The following TIMM17B variants were observed in gnomAD, a reference collection of about 807,000 sequenced individuals.
TIMM17B encodes the protein mitochondrial import inner membrane translocase subunit Tim17-B.
Under a neutral mutation model 15.9 loss-of-function variants are expected in TIMM17B, and 10 were observed. The ratio of observed to expected loss-of-function variants is 0.63; its 90% confidence interval spans 0.39 to 1.06. The LOEUF is 1.06. Among genes scored for constraint, TIMM17B ranks in the 50% least tolerant of loss-of-function variants. TIMM17B has a pLI of 0.01. For synonymous variants in TIMM17B, 57 were observed against 57.2 expected (o/e 1.00, Z 0.02); for missense variants, 114 against 152.2 (o/e 0.75, Z 1.32).
At chrX:48,895,444 G>C in intron 3 of TIMM17B, 2 of 516,151 alleles carry the variant, frequency 3.9e-6, no homozygotes, top group Admixed American at 5.3e-5. Context: ...TTAACGGTGG[G>C]AGACACAGAT....
intron 4 of TIMM17B, among the ~76,000 whole-genome samples, chrX:48,894,588 A>G (rs1369431934): frequency 1.8e-5 from 2 of 112,176 alleles, no homozygotes; most frequent in African/African-American, 6.5e-5. Context: ...AACCCAGTTA[A>G]TATGATAGTT....
intron 4 of TIMM17B, 77 bp downstream of exon 3, chrX:48,894,961 G>T: frequency 1.1e-6 from 1 of 894,337 alleles, no homozygotes; most frequent in Non-Finnish European, 1.6e-6. Flanking sequence ...CCCCTAACTT[G>T]CAGCCTAGAC....
chrX:48,897,883 G>A, intron 1 of TIMM17B, 115 bp from the exon 1 acceptor site: 4 of 994,173 alleles, frequency 4.0e-6, no homozygotes, highest in Non-Finnish European at 5.4e-6. Flanking sequence ...CACTCTCATT[G>A]GCCAATCGAG....
exon 7 of TIMM17B, chrX:48,893,602 G>A (rs1438548407): frequency 2.1e-5 from 12 of 565,399 alleles, no homozygotes; most frequent in Admixed American, 4.7e-5. Flanking sequence ...CCCCCACCCT[G>A]GGACTAGGGA....
chrX:48,896,511 C>A, intron 3 of TIMM17B: 1 of 534,560 alleles, frequency 1.9e-6, no homozygotes, highest in Non-Finnish European at 2.8e-6. Flanking sequence ...TTGGTGATGA[C>A]TCTTTGAACG....
At chrX:48,897,902 A>G (rs1019699167) in intron 1 of TIMM17B, 134 bp from the exon 1 acceptor site, 2 of 933,746 alleles carry the variant, frequency 2.1e-6, no homozygotes, top group East Asian at 3.4e-5. Flanking sequence ...AGTTTCTGCC[A>G]TTTGTTCATT....
chrX:48,897,251 C>T (rs979567449), intron 2 of TIMM17B: 1 of 232,129 alleles, frequency 4.3e-6, no homozygotes. Context: ...GTGAGCCCGT[C>T]CAACCATGCC....
rs782707028 is a variant in TIMM17B at position 48,894,238 on chromosome X, C to T, written c.191-13G>A. ...ACTGCGAAGCTACCTGTAGTGGAAC[C>T]GAGGCCTAATTAGTTCCTGGGAAAT... On this transcript the variant is annotated splice_polypyrimidine_tract_variant and intron_variant, in intron 4 of 6. Transcript: ENST00000376582. 2.5e-6 allele frequency: 3 copies of T among 1,206,099 alleles called. No individual in the cohort carries two copies. Among genetic ancestry groups the T allele is most frequent in the Admixed American group, 4.4e-5 (2 of 45,656 alleles).
At chrX:48,896,476 C>G in intron 3 of TIMM17B, 2 of 331,259 alleles carry the variant, frequency 6.0e-6, no homozygotes, top group Non-Finnish European at 9.8e-6. Context: ...AAAAAACTGT[C>G]TGGCTTTGCA....
At chrX:48,897,443 CG>C (rs2063324995) in intron 2 of TIMM17B, 1 of 385,161 alleles carries the variant, frequency 2.6e-6, no homozygotes, top group South Asian at 3.9e-5. Context: ...CACCCCTAGC[CG>C]GGATGGATCG....
exon 5 of TIMM17B, chrX:48,894,209 C>A: frequency 8.3e-7 from 1 of 1,209,127 alleles, no homozygotes; most frequent in Non-Finnish European, 1.1e-6. Flanking sequence ...ACAGGCCCCC[C>A]CACACTGCGA....
chrX:48,897,147 G>A, intron 2 of TIMM17B: 3 of 433,661 alleles, frequency 6.9e-6, no homozygotes, highest in Non-Finnish European at 1.1e-5. Context: ...ATTGGCACAC[G>A]CAGAGTTGAC....
chrX:48,896,556 G>T (rs1365058899), intron 3 of TIMM17B: 19 of 812,340 alleles, frequency 2.3e-5, no homozygotes, highest in Non-Finnish European at 2.9e-5. Flanking sequence ...CCAGTTGGGT[G>T]GGGTGGAGGG....
chrX:48,897,132 A>G (rs900327646), intron 2 of TIMM17B: 14 of 487,878 alleles, frequency 2.9e-5, no homozygotes, highest in African/African-American at 2.2e-4. Flanking sequence ...TCAAAGATTA[A>G]ATGAATTGGC....
intron 3 of TIMM17B, chrX:48,895,736 T>C (rs2063303873): frequency 3.1e-6 from 1 of 320,982 alleles, no homozygotes; most frequent in African/African-American, 2.6e-5. Flanking sequence ...GGAGGGGAGG[T>C]GGTCAGAGAA....
At chrX:48,893,591 A>G in exon 7 of TIMM17B, 1 of 510,610 alleles carries the variant, frequency 2.0e-6, no homozygotes, top group Non-Finnish European at 3.1e-6. Flanking sequence ...GGGGTGCCCC[A>G]CCCCCACCCT....
In TIMM17B at chrX:48,897,427, C is replaced by G. The variant is rs140681719; in HGVS notation, c.26+297G>C. On this transcript the variant is annotated intron_variant, in intron 2 of 6. Transcript: ENST00000376582. ...CAACTCTGGGGATTTCCGGTCAACA[C>G]CGTACCACCCCTAGCCGGGATGGAT... The G allele has an allele frequency of 2.0e-3, 724 of 355,844 alleles. 7 individuals carry two copies. The highest frequency in any genetic ancestry group is 0.016 in the African/African-American group (626 of 38,710). 29.3% of individuals were successfully genotyped at this position (355,844 alleles called of 1,213,427 possible). A position where few individuals can be genotyped will look rare whatever the true frequency, so the allele number is the denominator to read the frequency against.
intron 1 of TIMM17B, 69 bp from the exon 1 acceptor site, chrX:48,897,837 G>A (rs1054397044): frequency 9.5e-6 from 11 of 1,152,070 alleles, no homozygotes; most frequent in Non-Finnish European, 1.3e-5. Context: ...ACCGGGCAGC[G>A]ATTGGGTCGC....
intron 3 of TIMM17B, 150 bp from the exon 3 acceptor site, chrX:48,895,251 A>G: frequency 2.0e-6 from 1 of 505,856 alleles, no homozygotes. Context: ...TGGCCTGGAG[A>G]GCGCCCCAAC....
Sources: allele counts gnomAD v4.1 joint callset (sites outside exome capture counted in the v4.1 genomes callset), GRCh38; gene constraint gnomAD v4.1.1; transcripts MANE v1.5; gene names NCBI Gene and HGNC (gene_info 2026-07-23, HGNC 2026-07-21).